The following PLXNB2 variants were observed in gnomAD, a reference collection of about 807,000 sequenced individuals.
PLXNB2 encodes the protein plexin-B2.
In PLXNB2, 85 loss-of-function variants were observed where a neutral mutation model predicts 202.6. The ratio of observed to expected loss-of-function variants is 0.42; its 90% CI spans 0.35 to 0.50. The LOEUF is 0.50. Among genes scored for constraint, PLXNB2 ranks in the 20% least tolerant of loss-of-function variants. The pLI is 0.02. For missense variants in PLXNB2, 2,063 were observed against 2,586.2 expected, an observed-to-expected ratio of 0.80 and a Z score of 4.39; for synonymous variants, 1,239 against 1,137.6, an observed-to-expected ratio of 1.09 and a Z score of -1.79.
chr22:50,298,408 C>G (rs1009794151), intron 1 of PLXNB2, among the ~76,000 whole-genome samples: 1 of 152,130 alleles, frequency 6.6e-6, no homozygotes, highest in Non-Finnish European at 1.5e-5. Flanking sequence ...GCCCCTTGCA[C>G]GGGCTGAGTC....
At position 50,284,664 on chromosome 22, in the gene PLXNB2, C is replaced by A. The variant is rs2066287681; in HGVS notation, c.2090G>T (p.Gly697Val). 6.2e-7 allele frequency: 1 copy of A among 1,611,792 alleles called. No individual in the cohort carries two copies. Among genetic ancestry groups the A allele is most frequent in the South Asian group, 1.1e-5 (1 of 91,044 alleles). Residue 697 changes from glycine to valine, a missense_variant and splice_region_variant, in exon 12 of 37, where the codon GGT (glycine) becomes GTT (valine). Around this residue, in one of 2 missense-constraint regions of PLXNB2, gnomAD observed 1,303 missense variants for 1,476.8 expected, o/e 0.88. Transcript: ENST00000359337. The surrounding 1 kb of genome is among the most constrained non-coding windows in gnomAD (Gnocchi z 8.0). ...FQGKNLDTVK[G>V]SSLHVGSDLL... ...GTCACTGCCCACGTGCAGGGAGGAA[C>A]CCTGCAGACCATGCCGTCAGGACCC...
rs1357355278 is a variant in PLXNB2, at chr22:50,289,508, G to A, written c.1068+9C>T. The A allele has an allele frequency of 1.2e-6, 2 of 1,601,864 alleles. No homozygotes were observed. The highest frequency in any genetic ancestry group is 1.7e-6 in the Non-Finnish European group (2 of 1,174,212). On this transcript the variant is annotated intron_variant, in intron 3 of 36. Coordinates refer to ENST00000359337, the MANE Select transcript of PLXNB2 (RefSeq NM_012401.4). This position sits in a 1 kb window ranked among gnomAD's most constrained non-coding sequence, Gnocchi z 8.0. The stretch of plus-strand genomic sequence containing the variant: ...TCCGGGCCCTGCGAGAACACACTGA[G>A]GCCCATACCGGCGCGTGGCCGCCGC...
intron 26 of PLXNB2, 84 bp downstream of exon 26, chr22:50,279,921 G>T: frequency 7.1e-7 from 1 of 1,400,696 alleles, no homozygotes; most frequent in Non-Finnish European, 1.0e-6. Flanking sequence ...ACCTCAAGGT[G>T]CCGTACAGAT....
Position 50,285,912 on chromosome 22 carries a change from AAG to A in PLXNB2, c.1987-13_1987-12del. 1 of 1,610,762 alleles carries A rather than the reference AAG, an allele frequency of 6.2e-7. No homozygotes were observed. The highest frequency in any genetic ancestry group is 8.5e-7 in the Non-Finnish European group (1 of 1,178,196). On this transcript the variant is annotated splice_polypyrimidine_tract_variant and intron_variant, in intron 10 of 36. Transcript: ENST00000359337. The stretch of plus-strand genomic sequence containing the variant: ...GGGACAGCTGTCCTCCTGGGAGAGT[AAG>A]GCTGGTCAGGTGCTGCCTGGGCACA...
intron 1 of PLXNB2, among the ~76,000 whole-genome samples, chr22:50,305,979 A>T (rs1601789297): frequency 6.6e-6 from 1 of 152,110 alleles, no homozygotes; most frequent in Non-Finnish European, 1.5e-5. Flanking sequence ...CAGCTGCAGT[A>T]GAAAGTGGCA....
intron 1 of PLXNB2, among the ~76,000 whole-genome samples, chr22:50,303,405 T>C (rs1361232021): frequency 1.3e-5 from 2 of 152,156 alleles, no homozygotes; most frequent in Non-Finnish European, 2.9e-5. Context: ...GACGCCAATC[T>C]GACAGGGGGC....
rs756799761 is a variant in PLXNB2 at position 50,275,747 on chromosome 22, T to TGCAG, written c.5470_5473dup (p.Gln1825ProfsTer14). 1 of 1,612,060 alleles carries TGCAG rather than the reference T, an allele frequency of 6.2e-7. No individual in the cohort carries two copies. On this transcript the variant is annotated frameshift_variant, in exon 37 of 37. Coordinates refer to ENST00000359337, the MANE Select transcript of PLXNB2 (RefSeq NM_012401.4). LOFTEE classifies it high-confidence loss of function. ...GTTCTCCAGTGCAGCGGCAATCTGCTGCAGGCGGAAGGCCAGCTGCATCTT... is the reference window on the plus strand; with the variant it reads ...GTTCTCCAGTGCAGCGGCAATCTGCTGCAGGCAGGCGGAAGGCCAGCTGCATCTT...
intron 1 of PLXNB2, among the ~76,000 whole-genome samples, chr22:50,302,427 C>T (rs552786164): frequency 2.6e-5 from 4 of 152,274 alleles, no homozygotes; most frequent in African/African-American, 4.8e-5. Flanking sequence ...CCTTGCTCCA[C>T]GCGGAGGCTT....
At position 50,284,636 on chromosome 22, in the gene PLXNB2, C is replaced by G; in HGVS notation, c.2118G>C (p.Leu706Phe). Residue 706 changes from leucine (L) to phenylalanine (F), a missense_variant, in exon 12 of 37, where the codon TTG becomes TTC. Transcript: ENST00000359337. The surrounding 1 kb of genome is among the most constrained non-coding windows in gnomAD (Gnocchi z 8.0). Reference sequence around the variant, plus strand: ...TGGTCACCGGCTCCATGAACTTGAGCAAGTCACTGCCCACGTGCAGGGAGG... The same window carrying G: ...TGGTCACCGGCTCCATGAACTTGAGGAAGTCACTGCCCACGTGCAGGGAGG... The part of the protein sequence containing the change: ...KGSSLHVGSD[L>F]LKFMEPVTMQ... The G allele has an allele frequency of 2.4e-5, 39 of 1,612,732 alleles. No individual in the cohort carries two copies. Among genetic ancestry groups the G allele is most frequent in the Non-Finnish European group, 3.3e-5 (39 of 1,179,698 alleles).
chr22:50,304,551 T>TCAAG (rs1183807979), intron 1 of PLXNB2, among the ~76,000 whole-genome samples: 1 of 151,962 alleles, frequency 6.6e-6, no homozygotes, highest in Admixed American at 6.5e-5. Flanking sequence ...AGGCCCTGTG[T>TCAAG]CAAGGGATGT....
chr22:50,294,354 C>T (rs544775698), intron 2 of PLXNB2, among the ~76,000 whole-genome samples: 36 of 150,796 alleles, frequency 2.4e-4, no homozygotes, highest in Non-Finnish European at 4.1e-4. Flanking sequence ...ACTCCAGCTG[C>T]TGCTGCCCAC....
chr22:50,306,134 G>A (rs1412341473), intron 1 of PLXNB2, among the ~76,000 whole-genome samples: 2 of 152,204 alleles, frequency 1.3e-5, no homozygotes, highest in Non-Finnish European at 1.5e-5. Context: ...GCAGGCAGCC[G>A]GTGGGGGAGG....
rs1476799740 is a variant in PLXNB2 at position 50,289,434 on chromosome 22, C to T, written c.1068+83G>A. Reference sequence around the variant, plus strand: ...GCCACGGCCACACTGCTCACGTGCACCCTCCCCAGCAGGCTGGGACACGCA... The same window carrying T: ...GCCACGGCCACACTGCTCACGTGCATCCTCCCCAGCAGGCTGGGACACGCA... On this transcript the variant is annotated intron_variant, in intron 3 of 36. Transcript: ENST00000359337. The surrounding 1 kb of genome is among the most constrained non-coding windows in gnomAD (Gnocchi z 8.0). 7 of 1,464,348 alleles carry T rather than the reference C, an allele frequency of 4.8e-6. No homozygotes were observed. The highest frequency in any genetic ancestry group is 2.3e-4 in the Middle Eastern group (1 of 4,318). The allele number at this position is 1,464,348 out of a possible 1,614,324, so 90.7% of individuals were successfully genotyped here. A position where few individuals can be genotyped will look rare whatever the true frequency, so the allele number is the denominator to read the frequency against.
chr22:50,295,493 T>C (rs2067196634), intron 1 of PLXNB2, among the ~76,000 whole-genome samples: 1 of 152,118 alleles, frequency 6.6e-6, no homozygotes, highest in African/African-American at 2.4e-5. Context: ...ATGAATTCAT[T>C]CACAAAAAGC....
chr22:50,304,121 G>A (rs929551738), intron 1 of PLXNB2, among the ~76,000 whole-genome samples: 17 of 152,270 alleles, frequency 1.1e-4, no homozygotes, highest in African/African-American at 3.6e-4. Context: ...TGCAGAGGCG[G>A]GACTGTGCGA....
chr22:50,276,388 C>T, intron 35 of PLXNB2, among the ~76,000 whole-genome samples: 1 of 151,516 alleles, frequency 6.6e-6, no homozygotes, highest in African/African-American at 2.4e-5. Flanking sequence ...GTGGGCACGG[C>T]CGTGGGTGCA....
In PLXNB2 at chr22:50,284,529, G is replaced by A. The variant is rs2066276691; in HGVS notation, c.2181+44C>T. On this transcript the variant is annotated intron_variant, in intron 12 of 36. Coordinates refer to ENST00000359337, the MANE Select transcript of PLXNB2 (RefSeq NM_012401.4). The surrounding 1 kb of genome is among the most constrained non-coding windows in gnomAD (Gnocchi z 8.0). ...AAGGTGACCCCCCACCCCACCCGGG[G>A]CCCTGGGGTCCAGCAGCCGAGCCGG... 1 of 1,462,992 alleles carries A rather than the reference G, an allele frequency of 6.8e-7. No homozygotes were observed. The highest frequency in any genetic ancestry group is 1.4e-5 in the African/African-American group (1 of 71,790). 90.6% of individuals were successfully genotyped at this position (1,462,992 alleles called of 1,614,324 possible).
chr22:50,303,463 C>G (rs962328335), intron 1 of PLXNB2, among the ~76,000 whole-genome samples: 1 of 152,186 alleles, frequency 6.6e-6, no homozygotes, highest in Non-Finnish European at 1.5e-5. Flanking sequence ...GGCCCCAGAC[C>G]ACAACAGAAG....
chr22:50,299,278 T>C (rs2067498582), intron 1 of PLXNB2, among the ~76,000 whole-genome samples: 1 of 75,718 alleles, frequency 1.3e-5, no homozygotes, highest in African/African-American at 5.4e-5. Flanking sequence ...AGGATTGGGG[T>C]GGACACAGGC....
Sources: gnomAD v4.1 joint callset for allele counts (sites outside exome capture counted in the v4.1 genomes callset) on GRCh38, gnomAD v4.1.1 for gene constraint, gnomAD v4.1.1 regional missense constraint, Gnocchi (gnomAD v3.1) non-coding constraint, MANE v1.5 for transcripts, NCBI Gene and HGNC (gene_info 2026-07-23, HGNC 2026-07-21) for gene names.